The following RUNX2 variants were observed in gnomAD, a reference collection of about 807,000 sequenced individuals.
The protein encoded by RUNX2 is runt-related transcription factor 2.
A neutral mutation model predicts 51.7 loss-of-function variants in RUNX2; 10 were observed. That is an observed-to-expected ratio of 0.19 (90% confidence interval 0.12 to 0.33). RUNX2 has a LOEUF of 0.33. Ranked by LOEUF, RUNX2 falls within the 10% of genes least tolerant of loss-of-function variation. The pLI, the probability that RUNX2 is intolerant of heterozygous loss-of-function variation, is 1.00. For missense variants in RUNX2, 562 were observed against 691.3 expected (o/e 0.81, Z 2.10); for synonymous variants, 276 against 273.6 (o/e 1.01, Z -0.09).
chr6:45,437,818 C>T, intron 4 of RUNX2, 129 bp from the exon 5 acceptor site: 2 of 749,384 alleles, frequency 2.7e-6, no homozygotes, highest in Non-Finnish European at 4.8e-6. Flanking sequence ...AGAAGGAGTC[C>T]TGCCTCTTGT....
At chr6:45,540,805 C>T (rs1023043177) in intron 7 of RUNX2, among the ~76,000 whole-genome samples, 13 of 151,916 alleles carry the variant, frequency 8.6e-5, no homozygotes, top group South Asian at 8.3e-4. Context: ...TGTGGATCTA[C>T]ACCCAGATAC....
At chr6:45,543,375 A>G (rs1484237496) in intron 7 of RUNX2, among the ~76,000 whole-genome samples, 2 of 152,246 alleles carry the variant, frequency 1.3e-5, no homozygotes, top group Non-Finnish European at 2.9e-5. Flanking sequence ...CATGGATAAC[A>G]GCAAAAAGAA....
intron 7 of RUNX2, among the ~76,000 whole-genome samples, chr6:45,524,495 C>T (rs1459714406): frequency 6.6e-6 from 1 of 152,112 alleles, no homozygotes; most frequent in Non-Finnish European, 1.5e-5. Flanking sequence ...CGTTCCAGCT[C>T]TCTGTGGTAA....
chr6:45,529,852 C>T (rs1801788978), intron 7 of RUNX2, among the ~76,000 whole-genome samples: 1 of 152,116 alleles, frequency 6.6e-6, no homozygotes, highest in African/African-American at 2.4e-5. Context: ...GTAATGAATT[C>T]CCCTCCTCTT....
intron 2 of RUNX2, among the ~76,000 whole-genome samples, chr6:45,405,690 G>C (rs576462658): frequency 5.9e-5 from 9 of 152,228 alleles, no homozygotes; most frequent in African/African-American, 2.2e-4. Context: ...GGGAGGCTAA[G>C]GCAGGAGAAT....
chr6:45,508,779 A>G (rs1374735944), intron 6 of RUNX2, among the ~76,000 whole-genome samples: 1 of 152,234 alleles, frequency 6.6e-6, no homozygotes, highest in Non-Finnish European at 1.5e-5. Flanking sequence ...GTCAGGATGT[A>G]AAACCTAAAA....
chr6:45,399,555 T>G (rs779422568), intron 2 of RUNX2, among the ~76,000 whole-genome samples: 25 of 151,886 alleles, frequency 1.6e-4, no homozygotes, highest in Non-Finnish European at 3.2e-4. Flanking sequence ...AGACGGGGTT[T>G]CACCATGTTG....
chr6:45,454,859 A>T (rs1394483646), intron 5 of RUNX2, among the ~76,000 whole-genome samples: 1 of 152,182 alleles, frequency 6.6e-6, no homozygotes, highest in African/African-American at 2.4e-5. Flanking sequence ...CATGCCTGTA[A>T]TCCCAGTACT....
At chr6:45,522,844 T>C (rs925070269) in intron 7 of RUNX2, among the ~76,000 whole-genome samples, 1 of 152,224 alleles carries the variant, frequency 6.6e-6, no homozygotes, top group African/African-American at 2.4e-5. Context: ...TTATTAGAAA[T>C]TGGCTAATAG....
At chr6:45,347,754 AATTC>A (rs1383158451) in intron 2 of RUNX2, among the ~76,000 whole-genome samples, 3 of 151,528 alleles carry the variant, frequency 2.0e-5, no homozygotes, top group Admixed American at 1.3e-4. Flanking sequence ...AGAACTTCAC[AATTC>A]TTTTTTTTAA....
At chr6:45,488,972 A>G (rs967196132) in intron 5 of RUNX2, among the ~76,000 whole-genome samples, 3 of 152,188 alleles carry the variant, frequency 2.0e-5, no homozygotes, top group Non-Finnish European at 4.4e-5. Context: ...ACCTTCTTTC[A>G]GCCCATCATT....
At chr6:45,393,585 A>C (rs982375816) in intron 2 of RUNX2, among the ~76,000 whole-genome samples, 5 of 151,566 alleles carry the variant, frequency 3.3e-5, no homozygotes, top group Non-Finnish European at 5.9e-5. Flanking sequence ...GCCCGCCACC[A>C]CCCCGGCTAA....
chr6:45,377,296 C>G (rs1363830553), intron 2 of RUNX2: 1 of 152,258 alleles, frequency 6.6e-6, no homozygotes, highest in African/African-American at 2.4e-5. Context: ...CCAGGGGTCA[C>G]AGACGTGAGC....
At chr6:45,378,697 T>G (rs2150340329) in intron 2 of RUNX2, among the ~76,000 whole-genome samples, 1 of 152,228 alleles carries the variant, frequency 6.6e-6, no homozygotes, top group East Asian at 1.9e-4. Context: ...TGTTTAGATT[T>G]TGGCCTGTTC....
At position 45,543,851 on chromosome 6, in the gene RUNX2, G is replaced by A. The variant is rs746363312; in HGVS notation, c.1022-1366G>A. 1.4e-4 allele frequency among the ~76,000 whole-genome samples: 22 copies of A among 151,754 alleles called. 1 individual carries two copies. Among genetic ancestry groups the A allele is most frequent in the Non-Finnish European group, 2.6e-4 (18 of 67,996 alleles). ...AAATTTAAGGATATTATTTGCTTCT[G>A]TAACTATTATTATTTAAAAATTTGA... On this transcript the variant is annotated intron_variant, in intron 7 of 8. Transcript: ENST00000647337.
rs74820085 is a variant in RUNX2 at position 45,357,991 on chromosome 6, A to G, written c.58+29207A>G. ...TTTCTAAAAAATGGAACATAAATGT[A>G]ATATTAAACTTCTCAATCAAATCTG... On this transcript the variant is annotated intron_variant, in intron 2 of 8. Coordinates refer to ENST00000647337, the MANE Select transcript of RUNX2 (RefSeq NM_001024630.4). Among the ~76,000 whole-genome samples the G allele has an allele frequency of 3.9e-3, 601 of 152,270 alleles. 6 individuals are homozygous for G. Among genetic ancestry groups the G allele is most frequent in the African/African-American group, 0.014 (585 of 41,556 alleles).
intron 5 of RUNX2, among the ~76,000 whole-genome samples, chr6:45,477,175 T>G (rs2150397332): frequency 6.6e-6 from 1 of 152,108 alleles, no homozygotes; most frequent in East Asian, 1.9e-4. Flanking sequence ...GCTCCTCATC[T>G]TTCTCTTTCC....
At chr6:45,518,953 G>C (rs1801416888) in intron 7 of RUNX2, among the ~76,000 whole-genome samples, 1 of 152,144 alleles carries the variant, frequency 6.6e-6, no homozygotes, top group Non-Finnish European at 1.5e-5. Context: ...TCATTTCATT[G>C]TCACTAAAGA....
At chr6:45,441,360 C>T (rs1798836998) in intron 5 of RUNX2, among the ~76,000 whole-genome samples, 1 of 152,176 alleles carries the variant, frequency 6.6e-6, no homozygotes, top group African/African-American at 2.4e-5. Context: ...GGATCGAAAT[C>T]CCAACTCCAT....
Sources: gnomAD v4.1 joint callset for allele counts (sites outside exome capture counted in the v4.1 genomes callset) on GRCh38, gnomAD v4.1.1 for gene constraint, MANE v1.5 for transcripts, NCBI Gene and HGNC (gene_info 2026-07-23, HGNC 2026-07-21) for gene names.